The following NETO2 variants were observed in gnomAD, a reference collection of about 807,000 sequenced individuals.
NETO2 encodes neuropilin and tolloid like 2.
In NETO2, 28 loss-of-function variants were observed where a neutral mutation model predicts 62.5. That is an observed-to-expected ratio of 0.45 (90% CI 0.33 to 0.61). The LOEUF is 0.61. NETO2 is among the 20% of genes least tolerant of loss of function. The pLI is 0.02. For synonymous variants in NETO2, 214 were observed against 219.1 expected (o/e 0.98, Z 0.21); for missense variants, 548 against 643.2 (o/e 0.85, Z 1.60).
At chr16:47,083,866 T>C in intron 8 of NETO2, 65 bp from the exon 9 acceptor site, 1 of 1,250,806 alleles carries the variant, frequency 8.0e-7, no homozygotes. Flanking sequence ...TGGTACAAAT[T>C]AGTAAGGTAT....
intron 6 of NETO2, among the ~76,000 whole-genome samples, chr16:47,114,762 T>C (rs1270482233): frequency 7.2e-5 from 11 of 152,142 alleles, no homozygotes; most frequent in Admixed American, 5.9e-4. Flanking sequence ...AATTTTTCTT[T>C]TATGGATACT....
intron 7 of NETO2, among the ~76,000 whole-genome samples, chr16:47,091,027 G>T (rs912251151): frequency 3.9e-5 from 6 of 152,230 alleles, no homozygotes; most frequent in African/African-American, 1.4e-4. Context: ...GAGAACAAAA[G>T]AAATAGTTCA....
chr16:47,104,133 C>T (rs1963618007), intron 7 of NETO2, among the ~76,000 whole-genome samples: 1 of 152,050 alleles, frequency 6.6e-6, no homozygotes, highest in African/African-American at 2.4e-5. Context: ...AAAGATCACA[C>T]CCACCCCCAC....
chr16:47,095,884 C>G (rs1963417570), intron 7 of NETO2, among the ~76,000 whole-genome samples: 1 of 152,078 alleles, frequency 6.6e-6, no homozygotes. Context: ...ATCAGACAGT[C>G]TCTAGAATAG....
chr16:47,087,290 C>T (rs907781827), intron 7 of NETO2, among the ~76,000 whole-genome samples: 2 of 152,146 alleles, frequency 1.3e-5, no homozygotes, highest in African/African-American at 2.4e-5. Context: ...TCCCAAAGCG[C>T]TGGGATTACA....
At chr16:47,120,836 T>C (rs1964023049) in intron 6 of NETO2, among the ~76,000 whole-genome samples, 1 of 151,986 alleles carries the variant, frequency 6.6e-6, no homozygotes, top group South Asian at 2.1e-4. Context: ...GTCACTTAAA[T>C]TTTTTTTTCC....
intron 6 of NETO2, among the ~76,000 whole-genome samples, chr16:47,115,510 T>C (rs1406386857): frequency 2.0e-5 from 3 of 151,358 alleles, no homozygotes; most frequent in Non-Finnish European, 4.4e-5. Context: ...TTTTCATTGC[T>C]AGTATATAAA....
intron 6 of NETO2, among the ~76,000 whole-genome samples, chr16:47,111,984 C>T (rs1963810676): frequency 6.6e-6 from 1 of 152,206 alleles, no homozygotes; most frequent in Non-Finnish European, 1.5e-5. Flanking sequence ...CCCCAGAAAG[C>T]TACTATCATG....
intron 1 of NETO2, among the ~76,000 whole-genome samples, chr16:47,136,453 G>A (rs1964362775): frequency 1.3e-5 from 2 of 152,192 alleles, no homozygotes; most frequent in Non-Finnish European, 2.9e-5. Context: ...TGTCGCCTAT[G>A]CTGGAGTGCA....
In NETO2 at chr16:47,094,672, C is replaced by T. The variant is rs532112009; in HGVS notation, c.884-8333G>A. Among the ~76,000 whole-genome samples the T allele has an allele frequency of 2.5e-4, 38 of 151,610 alleles. No individual in the cohort carries two copies. The South Asian group carries it at 7.5e-3, about 30-fold the overall frequency. On this transcript the variant is annotated intron_variant, in intron 7 of 8. Transcript: ENST00000562435. ...AATCTTGTTGACCTCATGATCTGCC[C>T]GCCTTGGCCTCCCAAAGTGCTGGGA... is the stretch of plus-strand genomic sequence containing the variant.
At position 47,128,317 on chromosome 16, in the gene NETO2, T is replaced by C. The variant is rs1476926027; in HGVS notation, c.481+8A>G. ...GCCCAACCACTTAAAAGATAACTTA[T>C]TCTTTACCTGGAATAAATGAATATT... On this transcript the variant is annotated splice_region_variant and intron_variant, in intron 4 of 8. Coordinates refer to ENST00000562435, the MANE Select transcript of NETO2 (RefSeq NM_018092.5). 3.1e-6 allele frequency: 5 copies of C among 1,611,098 alleles called. No individual in the cohort carries two copies. Among genetic ancestry groups the C allele is most frequent in the South Asian group, 1.1e-5 (1 of 90,714 alleles).
At chr16:47,130,713 C>T (rs1042440462) in intron 2 of NETO2, among the ~76,000 whole-genome samples, 1 of 152,078 alleles carries the variant, frequency 6.6e-6, no homozygotes, top group African/African-American at 2.4e-5. Flanking sequence ...CAAACTATGA[C>T]CCTGGGCCAA....
chr16:47,117,796 G>T (rs1963952494), intron 6 of NETO2, among the ~76,000 whole-genome samples: 1 of 151,980 alleles, frequency 6.6e-6, no homozygotes, highest in Non-Finnish European at 1.5e-5. Context: ...TAGAATTTTT[G>T]ATAATTCTGG....
At chr16:47,086,114 A>C in intron 8 of NETO2, 112 bp downstream of exon 8, 2 of 740,842 alleles carry the variant, frequency 2.7e-6, no homozygotes, top group Non-Finnish European at 2.4e-6. Flanking sequence ...TCAAACAAAC[A>C]AACAAAAAGC....
rs889386134 is a variant in NETO2 at position 47,082,252 on chromosome 16, C to T, written c.*969G>A. 1.3e-5 allele frequency: 2 copies of T among 152,568 alleles called. No individual in the cohort carries two copies. The highest frequency in any genetic ancestry group is 6.5e-5 in the Admixed American group (1 of 15,272). The allele number at this position is 152,568 out of a possible 1,614,324, so 9.5% of individuals were successfully genotyped here. On this transcript the variant is annotated 3_prime_UTR_variant, in exon 9 of 9. Coordinates refer to ENST00000562435, the MANE Select transcript of NETO2 (RefSeq NM_018092.5). ...ATTTCTAAGGAATTTTAACTGGCAT[C>T]TAACCTTGGTTACCATATGCTGTAA...
intron 1 of NETO2, among the ~76,000 whole-genome samples, chr16:47,140,735 A>G (rs1026551744): frequency 6.6e-6 from 1 of 152,236 alleles, no homozygotes; most frequent in Non-Finnish European, 1.5e-5. Context: ...TTATTTCTGT[A>G]TAACTAGTTT....
At chr16:47,107,600 G>A (rs1490033251) in intron 7 of NETO2, among the ~76,000 whole-genome samples, 2 of 152,172 alleles carry the variant, frequency 1.3e-5, no homozygotes, top group East Asian at 1.9e-4. Context: ...GGCTGGTCCA[G>A]CGTTGGGTCA....
At position 47,080,367 on chromosome 16, in the gene NETO2, G is replaced by C. The variant is rs1963042454; in HGVS notation, c.*2854C>G. The C allele has an allele frequency of 6.6e-6, 1 of 152,200 alleles. No homozygotes were observed. The highest frequency in any genetic ancestry group is 1.5e-5 in the Non-Finnish European group (1 of 68,028). The allele number at this position is 152,200 out of a possible 1,614,324, so 9.4% of individuals were successfully genotyped here. ...ATTTTGTGTTCAACACTGGGACACT[G>C]TGTGGGGTACCCTGCGTGACAGTTA... On this transcript the variant is annotated 3_prime_UTR_variant, in exon 9 of 9. Coordinates refer to ENST00000562435, the MANE Select transcript of NETO2 (RefSeq NM_018092.5).
intron 1 of NETO2, among the ~76,000 whole-genome samples, chr16:47,135,690 G>A (rs115455458): frequency 6.6e-6 from 1 of 151,768 alleles, no homozygotes; most frequent in Non-Finnish European, 1.5e-5. Flanking sequence ...TGTCATTTTA[G>A]CTCTAAGCAG....
Sources: allele counts gnomAD v4.1 joint callset (sites outside exome capture counted in the v4.1 genomes callset), GRCh38; gene constraint gnomAD v4.1.1; transcripts MANE v1.5; gene names NCBI Gene and HGNC (gene_info 2026-07-23, HGNC 2026-07-21).